DENND1B: variants seen among roughly 807,000 people sequenced by gnomAD.
DENND1B encodes DENN domain-containing protein 1B.
DENND1B carries 59 observed loss-of-function variants against 90.1 expected under a neutral mutation model. The observed-to-expected ratio is 0.65, with a 90% CI of 0.53 to 0.81. The LOEUF is 0.81. Ranked by LOEUF, DENND1B falls within the 40% of genes least tolerant of loss-of-function variation. The pLI, the probability that DENND1B is intolerant of heterozygous loss-of-function variation, is 0.00. For missense variants in DENND1B, 862 were observed against 912.6 expected (o/e 0.94, Z 0.71); for synonymous variants, 337 against 324.6 (o/e 1.04, Z -0.41).
intron 2 of DENND1B, among the ~76,000 whole-genome samples, chr1:197,721,308 A>T (rs1661155311): frequency 6.6e-6 from 1 of 151,782 alleles, no homozygotes; most frequent in African/African-American, 2.4e-5. Flanking sequence ...TGACCTCGTG[A>T]TCCGCCTGCC....
At chr1:197,721,629 T>A (rs1479986738) in intron 2 of DENND1B, among the ~76,000 whole-genome samples, 1 of 152,014 alleles carries the variant, frequency 6.6e-6, no homozygotes, top group East Asian at 1.9e-4. Context: ...CATTTTTATA[T>A]ATTTATAAAA....
At chr1:197,551,928 C>T (rs186142235) in intron 16 of DENND1B, among the ~76,000 whole-genome samples, 2 of 152,178 alleles carry the variant, frequency 1.3e-5, no homozygotes, top group East Asian at 1.9e-4. Context: ...CTAACTTTTC[C>T]CCAAGCTAAA....
chr1:197,606,859 T>C (rs1676727184), intron 13 of DENND1B: 3 of 455,244 alleles, frequency 6.6e-6, no homozygotes, highest in Non-Finnish European at 1.2e-5. Flanking sequence ...AATTATGATC[T>C]TACTTTTACA....
At chr1:197,768,710 G>C (rs1448896895) in intron 2 of DENND1B, among the ~76,000 whole-genome samples, 1 of 151,850 alleles carries the variant, frequency 6.6e-6, no homozygotes, top group Non-Finnish European at 1.5e-5. Flanking sequence ...CAACTAATCT[G>C]TCAGACACCA....
rs374022147 is a variant in DENND1B at position 197,645,671 on chromosome 1, T to C, written c.561+19A>G. On this transcript the variant is annotated intron_variant, in intron 9 of 22. Transcript: ENST00000620048. ...ATTAATAATATAAGAATAATTAAAG[T>C]AGAAAATAGGAAACTTACACTCTCG... The C allele has an allele frequency of 6.1e-6, 9 of 1,472,228 alleles. No homozygotes were observed. In the South Asian group the frequency reaches 9.2e-5, roughly 15 times the overall value. The allele number at this position is 1,472,228 out of a possible 1,614,324, so 91.2% of individuals were successfully genotyped here. A position where few individuals can be genotyped will look rare whatever the true frequency, so the allele number is the denominator to read the frequency against.
intron 5 of DENND1B, among the ~76,000 whole-genome samples, chr1:197,668,356 C>T (rs1655150343): frequency 6.6e-6 from 1 of 151,580 alleles, no homozygotes; most frequent in African/African-American, 2.4e-5. Context: ...AATCCCTGCC[C>T]TCATGAGGGT....
chr1:197,698,350 G>T (rs1413445812), intron 3 of DENND1B, among the ~76,000 whole-genome samples: 2 of 152,016 alleles, frequency 1.3e-5, no homozygotes, highest in Non-Finnish European at 2.9e-5. Flanking sequence ...AAATCAAGAA[G>T]TTCTTTGAAA....
chr1:197,613,525 C>T (rs532556040), intron 11 of DENND1B, among the ~76,000 whole-genome samples: 13 of 150,572 alleles, frequency 8.6e-5, no homozygotes, highest in Non-Finnish European at 1.5e-4. Flanking sequence ...GCCTTGATAT[C>T]CTTAAGACCT....
chr1:197,614,033 T>G (rs1008035117), intron 11 of DENND1B, among the ~76,000 whole-genome samples: 3 of 142,208 alleles, frequency 2.1e-5, no homozygotes, highest in Non-Finnish European at 3.1e-5. Context: ...TAGGAAAACT[T>G]TTTTTTTTTT....
chr1:197,674,163 G>A lies in DENND1B; in HGVS notation c.133C>T (p.Leu45=). 6.3e-7 allele frequency: 1 copy of A among 1,598,736 alleles called. No homozygotes were observed. The highest frequency in any genetic ancestry group is 8.5e-7 in the Non-Finnish European group (1 of 1,171,156). Residue 45 remains leucine, a synonymous_variant, in exon 4 of 23, where the codon CTA becomes TTA. Coordinates refer to ENST00000620048, the MANE Select transcript of DENND1B (RefSeq NM_001195215.2). ...AAACAGAACTTTGGCACACTCTGTA[G>A]TATTTCCTACAAATGGAAATTTCAA... ...FPEDFGDQEI[L]QSVPKFCFPF... is the part of the protein sequence containing the mutation.
chr1:197,544,876 T>TGAAGAG (rs1162516981), intron 18 of DENND1B, among the ~76,000 whole-genome samples: 1 of 23,170 alleles, frequency 4.3e-5, no homozygotes, highest in Non-Finnish European at 8.8e-5. Flanking sequence ...GAGAAGGAGA[T>TGAAGAG]GAAGAGGAAG....
intron 15 of DENND1B, among the ~76,000 whole-genome samples, chr1:197,572,236 C>T (rs1673230496): frequency 6.6e-6 from 1 of 152,194 alleles, no homozygotes; most frequent in South Asian, 2.1e-4. Context: ...TTCCCATGGT[C>T]TTAGCAATCA....
At chr1:197,677,414 C>T (rs12751508) in intron 3 of DENND1B, among the ~76,000 whole-genome samples, 11,861 of 152,174 alleles carry the variant, frequency 0.078, 675 homozygotes, top group Middle Eastern at 0.16. Flanking sequence ...TGTTCTTTTA[C>T]TTACGGTCCT....
intron 1 of DENND1B, among the ~76,000 whole-genome samples, chr1:197,774,869 G>C (rs886832071): frequency 6.6e-6 from 1 of 152,084 alleles, no homozygotes; most frequent in African/African-American, 2.4e-5. Flanking sequence ...TCCCCCGAAA[G>C]GCGGGCGTCG....
chr1:197,631,408 G>A (rs1306745529), intron 10 of DENND1B, among the ~76,000 whole-genome samples: 4 of 152,022 alleles, frequency 2.6e-5, no homozygotes, highest in African/African-American at 7.2e-5. Flanking sequence ...CTGATGTACT[G>A]TAGAGTAGTT....
intron 15 of DENND1B, among the ~76,000 whole-genome samples, chr1:197,555,784 A>G (rs1671663083): frequency 1.3e-5 from 2 of 152,134 alleles, no homozygotes; most frequent in Non-Finnish European, 2.9e-5. Context: ...GGCCCTGTGA[A>G]AAGCAGCTTG....
chr1:197,772,647 C>A (rs997764761), intron 2 of DENND1B, among the ~76,000 whole-genome samples: 4 of 152,090 alleles, frequency 2.6e-5, no homozygotes, highest in East Asian at 3.9e-4. Context: ...ACGTGGTGAA[C>A]CCTGTCTCCA....
intron 20 of DENND1B, 117 bp downstream of exon 20, chr1:197,539,847 T>C (rs1670200553): frequency 1.3e-6 from 1 of 793,200 alleles, no homozygotes; most frequent in Admixed American, 2.5e-5. Flanking sequence ...CCTTGACCAA[T>C]ACTGCAGGTT....
chr1:197,702,921 T>G (rs1256525037), intron 3 of DENND1B, among the ~76,000 whole-genome samples: 3 of 152,220 alleles, frequency 2.0e-5, no homozygotes, highest in African/African-American at 7.2e-5. Context: ...TATATACTTT[T>G]GTTTTTTAAA....
Sources: allele counts gnomAD v4.1 joint callset (sites outside exome capture counted in the v4.1 genomes callset), GRCh38; gene constraint gnomAD v4.1.1; transcripts MANE v1.5; gene names NCBI Gene and HGNC (gene_info 2026-07-23, HGNC 2026-07-21).